The following LINGO2 variants were observed in gnomAD, a reference collection of about 807,000 sequenced individuals.
The protein encoded by LINGO2 is leucine rich repeat and Ig domain containing 2.
LINGO2 carries 14 observed loss-of-function variants against 30.6 expected under a neutral mutation model. The ratio of observed to expected loss-of-function variants is 0.46; its 90% CI spans 0.30 to 0.72. LINGO2 has a LOEUF of 0.72. Ranked by LOEUF, LINGO2 falls within the 30% of genes least tolerant of loss-of-function variation. LINGO2 has a pLI of 0.07. For missense variants in LINGO2, 729 were observed against 751.7 expected, an observed-to-expected ratio of 0.97 and a Z score of 0.35; for synonymous variants, 317 against 288.5, an observed-to-expected ratio of 1.10 and a Z score of -1.00.
intron 4 of LINGO2, among the ~76,000 whole-genome samples, chr9:28,189,697 GAGGGAGGA>G (rs1564029629): frequency 4.1e-5 from 1 of 24,114 alleles, no homozygotes; most frequent in African/African-American, 1.1e-4. Context: ...GGAAGGAAGG[GAGGGAGGA>G]AGGAAGGAAG....
At chr9:28,572,827 G>C (rs113579920) in intron 1 of LINGO2, among the ~76,000 whole-genome samples, 1 of 152,030 alleles carries the variant, frequency 6.6e-6, no homozygotes, top group Non-Finnish European at 1.5e-5. Context: ...TAAATATATT[G>C]CCTTTATTCA....
At chr9:28,847,692 A>C in the LINGO2 span, among the ~76,000 whole-genome samples, 1 of 141,610 alleles carries the variant, frequency 7.1e-6, no homozygotes, top group Non-Finnish European at 1.5e-5. Context: ...CTGAGCATCT[A>C]CATATTGACA....
At chr9:28,176,075 T>A (rs1828742404) in intron 4 of LINGO2, among the ~76,000 whole-genome samples, 1 of 152,230 alleles carries the variant, frequency 6.6e-6, no homozygotes, top group Admixed American at 6.5e-5. Flanking sequence ...CTTTCCATAG[T>A]ATTTAGGATA....
chr9:28,910,628 G>A, the LINGO2 span, among the ~76,000 whole-genome samples: 2 of 151,926 alleles, frequency 1.3e-5, no homozygotes, highest in Admixed American at 6.6e-5. Context: ...CCTTCCCTCT[G>A]TCTCTCTTCT....
intron 1 of LINGO2, among the ~76,000 whole-genome samples, chr9:28,486,737 C>G (rs924835268): frequency 6.6e-6 from 1 of 152,046 alleles, no homozygotes; most frequent in East Asian, 1.9e-4. Context: ...GTTGACCCTC[C>G]TTCAACTCAT....
the LINGO2 span, among the ~76,000 whole-genome samples, chr9:28,739,331 G>A: frequency 6.6e-6 from 1 of 151,778 alleles, no homozygotes; most frequent in Non-Finnish European, 1.5e-5. Context: ...TATTGTAAAG[G>A]GCAGATAATA....
the LINGO2 span, among the ~76,000 whole-genome samples, chr9:28,994,008 T>C: frequency 3.6e-3 from 548 of 151,472 alleles, 2 homozygotes; most frequent in African/African-American, 0.013. Context: ...GTGTTGGAAG[T>C]TCTGGCCAGG....
chr9:28,825,496 C>A, the LINGO2 span, among the ~76,000 whole-genome samples: 1 of 151,470 alleles, frequency 6.6e-6, no homozygotes, highest in African/African-American at 2.4e-5. Context: ...ACGTCAAGAA[C>A]TTCCATCTGC....
intron 4 of LINGO2, among the ~76,000 whole-genome samples, chr9:28,234,216 C>T (rs1464080096): frequency 1.3e-5 from 2 of 152,058 alleles, no homozygotes; most frequent in Non-Finnish European, 2.9e-5. Context: ...GCCCTGAAGG[C>T]CGAGTTCCAG....
At chr9:28,075,842 T>C (rs184195063) in intron 4 of LINGO2, among the ~76,000 whole-genome samples, 15 of 152,174 alleles carry the variant, frequency 9.9e-5, no homozygotes, top group Non-Finnish European at 7.4e-5. Flanking sequence ...TATTCTATTA[T>C]TTCATAGCTG....
At chr9:29,089,663 G>A in the LINGO2 span, among the ~76,000 whole-genome samples, 1 of 152,126 alleles carries the variant, frequency 6.6e-6, no homozygotes, top group Admixed American at 6.6e-5. Flanking sequence ...CCTTCTAACT[G>A]AAAAGGTGGT....
At chr9:28,549,647 T>TG in intron 1 of LINGO2, among the ~76,000 whole-genome samples, 1 of 151,648 alleles carries the variant, frequency 6.6e-6, no homozygotes, top group African/African-American at 2.4e-5. Flanking sequence ...ATTTTAGTAT[T>TG]TTTTTTTACT....
intron 2 of LINGO2, among the ~76,000 whole-genome samples, chr9:28,470,976 T>C (rs1825497261): frequency 6.7e-6 from 1 of 148,794 alleles, no homozygotes; most frequent in Non-Finnish European, 1.5e-5. Context: ...ATGTTATATA[T>C]AATTTTCTTT....
the LINGO2 span, among the ~76,000 whole-genome samples, chr9:28,816,913 T>G: frequency 6.6e-6 from 1 of 152,202 alleles, no homozygotes; most frequent in Non-Finnish European, 1.5e-5. Context: ...TTTAAGAATT[T>G]TTTTTCCAAT....
At chr9:28,175,892 C>G (rs1828736936) in intron 4 of LINGO2, among the ~76,000 whole-genome samples, 1 of 152,170 alleles carries the variant, frequency 6.6e-6, no homozygotes, top group Admixed American at 6.5e-5. Flanking sequence ...GTTCTCTGAT[C>G]TTGGCCTAAA....
chr9:28,122,467 T>C (rs540624395), intron 4 of LINGO2, among the ~76,000 whole-genome samples: 5 of 152,208 alleles, frequency 3.3e-5, no homozygotes, highest in Non-Finnish European at 7.3e-5. Flanking sequence ...CATTATTGTT[T>C]TGTCTATAAG....
chr9:28,703,159 C>T, the LINGO2 span, among the ~76,000 whole-genome samples: 1 of 151,560 alleles, frequency 6.6e-6, no homozygotes, highest in Admixed American at 6.6e-5. Context: ...CTTCTGCTTA[C>T]TTTGCATTTA....
At chr9:28,879,747 C>T in the LINGO2 span, among the ~76,000 whole-genome samples, 248 of 152,206 alleles carry the variant, frequency 1.6e-3, no homozygotes, top group Middle Eastern at 3.4e-3. Context: ...AACATCACCA[C>T]TGTGAGTAGA....
At chr9:28,428,678 A>C (rs1823518205) in intron 2 of LINGO2, among the ~76,000 whole-genome samples, 1 of 152,124 alleles carries the variant, frequency 6.6e-6, no homozygotes, top group Non-Finnish European at 1.5e-5. Context: ...CATCAGTATC[A>C]TGGTGGGTTC....
Sources: gnomAD v4.1 joint callset for allele counts (sites outside exome capture counted in the v4.1 genomes callset) on GRCh38, gnomAD v4.1.1 for gene constraint, MANE v1.5 for transcripts, NCBI Gene and HGNC (gene_info 2026-07-23, HGNC 2026-07-21) for gene names.